LHFPL3: variants seen among roughly 807,000 people sequenced by gnomAD.
LHFPL3 encodes the protein LHFPL tetraspan subfamily member 3 protein.
Under a neutral mutation model 19.3 loss-of-function variants are expected in LHFPL3, and 5 were observed. The ratio of observed to expected loss-of-function variants is 0.26; its 90% CI spans 0.14 to 0.54. The LOEUF is 0.54. Ranked by LOEUF, LHFPL3 falls within the 20% of genes least tolerant of loss-of-function variation. The pLI is 0.94. For synonymous variants in LHFPL3, 133 were observed against 126.2 expected (o/e 1.05, Z -0.36); for missense variants, 249 against 307.4 (o/e 0.81, Z 1.42).
intron 1 of LHFPL3, among the ~76,000 whole-genome samples, chr7:104,453,238 A>AT (rs71519177): frequency 5.6e-4 from 82 of 147,126 alleles, no homozygotes; most frequent in African/African-American, 1.3e-3. Flanking sequence ...AAGGTGGAGA[A>AT]TTTTTTTTTT....
chr7:104,814,687 G>C (rs2116509287), intron 2 of LHFPL3, among the ~76,000 whole-genome samples: 1 of 152,198 alleles, frequency 6.6e-6, no homozygotes, highest in East Asian at 1.9e-4. Flanking sequence ...TCAGCACCAA[G>C]CTTCCCTCAT....
chr7:104,668,570 AAG>A, intron 1 of LHFPL3: 1 of 1,613,022 alleles, frequency 6.2e-7, no homozygotes. Flanking sequence ...GCAGTGGCAG[AAG>A]AGCATTTGGC....
chr7:104,593,696 G>C (rs1387724895), intron 1 of LHFPL3, among the ~76,000 whole-genome samples: 2 of 152,244 alleles, frequency 1.3e-5, no homozygotes, highest in African/African-American at 2.4e-5. Flanking sequence ...AGGTCTCTAA[G>C]GACTTGCTTT....
intron 1 of LHFPL3, among the ~76,000 whole-genome samples, chr7:104,498,380 T>A (rs1793529598): frequency 6.6e-6 from 1 of 152,208 alleles, no homozygotes; most frequent in Non-Finnish European, 1.5e-5. Flanking sequence ...TCATTCTAGA[T>A]ATCTTGTCTT....
intron 1 of LHFPL3, among the ~76,000 whole-genome samples, chr7:104,458,509 G>T (rs1004955387): frequency 1.9e-4 from 29 of 152,150 alleles, no homozygotes; most frequent in African/African-American, 6.5e-4. Context: ...TGCTGTTTTG[G>T]TTACTGTAGC....
chr7:104,833,035 ATATATATAT>A (rs201822028), intron 2 of LHFPL3, among the ~76,000 whole-genome samples: 574 of 2,194 alleles, frequency 0.26, 19 homozygotes, highest in Admixed American at 0.34. Context: ...GATATATTAT[ATATATATAT>A]TATATATATA....
At chr7:104,420,892 A>T in intron 1 of LHFPL3, among the ~76,000 whole-genome samples, 1 of 152,198 alleles carries the variant, frequency 6.6e-6, no homozygotes, top group East Asian at 1.9e-4. Context: ...ATAGTAGCAG[A>T]TTTAATCCAA....
At chr7:104,563,107 A>T (rs1386585293) in intron 1 of LHFPL3, among the ~76,000 whole-genome samples, 1 of 151,832 alleles carries the variant, frequency 6.6e-6, no homozygotes, top group Non-Finnish European at 1.5e-5. Context: ...GGGACATTTA[A>T]GTCTGCAGAG....
At chr7:104,557,074 C>A (rs535482967) in intron 1 of LHFPL3, among the ~76,000 whole-genome samples, 1 of 152,190 alleles carries the variant, frequency 6.6e-6, no homozygotes, top group Non-Finnish European at 1.5e-5. Context: ...AGCCCTTCAA[C>A]AAGTTTCTAG....
chr7:104,430,976 A>C (rs1791992243), intron 1 of LHFPL3, among the ~76,000 whole-genome samples: 1 of 152,192 alleles, frequency 6.6e-6, no homozygotes, highest in East Asian at 1.9e-4. Flanking sequence ...CCAGATGATA[A>C]ATAAATAAAT....
intron 2 of LHFPL3, chr7:104,845,239 T>C (rs1239502704): frequency 7.6e-6 from 5 of 659,980 alleles, no homozygotes. Context: ...TCCTCAAGTA[T>C]GTGCAGAGAA....
intron 1 of LHFPL3, among the ~76,000 whole-genome samples, chr7:104,644,889 T>G (rs1253578757): frequency 6.6e-6 from 1 of 152,132 alleles, no homozygotes; most frequent in African/African-American, 2.4e-5. Flanking sequence ...TATTGGCATG[T>G]TTTTAAAGCT....
At position 104,458,670 on chromosome 7, in the gene LHFPL3, G is replaced by C. The variant is rs149489407; in HGVS notation, c.445+129446G>C. Among the ~76,000 whole-genome samples, 950 of 151,636 alleles carry C rather than the reference G, an allele frequency of 6.3e-3. 27 individuals carry two copies. Among genetic ancestry groups the C allele is most frequent in the East Asian group, 0.039 (203 of 5,150 alleles). ...CTTTGAAGAAAGTCATTGGTAGCTT[G>C]ATGGGGATGACATTGAATCTAAACC... is the stretch of plus-strand genomic sequence containing the variant. On this transcript the variant is annotated intron_variant, in intron 1 of 2. Coordinates refer to ENST00000424859, the MANE Select transcript of LHFPL3 (RefSeq NM_199000.3).
At chr7:104,752,158 T>G (rs1181238625) in intron 2 of LHFPL3, among the ~76,000 whole-genome samples, 1 of 152,232 alleles carries the variant, frequency 6.6e-6, no homozygotes, top group Non-Finnish European at 1.5e-5. Context: ...GTTTAGACTC[T>G]GATGGCCCCA....
chr7:104,850,353 A>T (rs6968485), intron 2 of LHFPL3, among the ~76,000 whole-genome samples: 151,544 of 152,328 alleles, frequency 0.99, 75,385 homozygotes, highest in Middle Eastern at 1. Context: ...ATCGTTTCTA[A>T]GGCTAGCCTT....
chr7:104,612,863 A>G (rs1791237112), intron 1 of LHFPL3, among the ~76,000 whole-genome samples: 1 of 152,210 alleles, frequency 6.6e-6, no homozygotes, highest in Non-Finnish European at 1.5e-5. Context: ...AATGCTGTCA[A>G]TTAACCTGTG....
At chr7:104,767,504 C>T (rs1794475161) in intron 2 of LHFPL3, among the ~76,000 whole-genome samples, 1 of 152,202 alleles carries the variant, frequency 6.6e-6, no homozygotes, top group Non-Finnish European at 1.5e-5. Flanking sequence ...GTAAAGTTTA[C>T]ATTTTTCATT....
intron 2 of LHFPL3, chr7:104,769,025 G>A (rs894709138): frequency 6.6e-6 from 1 of 152,202 alleles, no homozygotes; most frequent in Non-Finnish European, 1.5e-5. Flanking sequence ...CTCTGTCATT[G>A]GGGAAAGAAA....
chr7:104,844,387 CTG>C (rs765335653), intron 2 of LHFPL3, among the ~76,000 whole-genome samples: 90 of 152,212 alleles, frequency 5.9e-4, no homozygotes, highest in Non-Finnish European at 8.7e-4. Flanking sequence ...TCTAATTGAT[CTG>C]TGTGTGTACA....
Sources: gnomAD v4.1 joint callset for allele counts (sites outside exome capture counted in the v4.1 genomes callset) on GRCh38, gnomAD v4.1.1 for gene constraint, MANE v1.5 for transcripts, NCBI Gene and HGNC (gene_info 2026-07-23, HGNC 2026-07-21) for gene names.